Variants in FHIT observed in about 807,000 individuals in gnomAD.
FHIT encodes bis(5'-adenosyl)-triphosphatase.
In FHIT, 19 loss-of-function variants were observed where a neutral mutation model predicts 17.9. The observed-to-expected ratio is 1.06, with a 90% CI of 0.74 to 1.56. The LOEUF is 1.56. Ranked by LOEUF, FHIT falls within the 40% of genes most tolerant of loss-of-function variation. The probability of loss-of-function intolerance (pLI) is 0.00; values close to 1 mark genes in which losing one functional copy is unlikely to be tolerated. For synonymous variants in FHIT, 81 were observed against 69.7 expected (o/e 1.16, Z -0.81); for missense variants, 248 against 189.2 (o/e 1.31, Z -1.82).
chr3:59,872,233 G>A (rs1702956967), intron 8 of FHIT, among the ~76,000 whole-genome samples: 1 of 152,174 alleles, frequency 6.6e-6, no homozygotes, highest in Admixed American at 6.5e-5. Context: ...GGGAGTCACA[G>A]TACTAAAACA....
chr3:61,012,818 T>G (rs1355230700), intron 3 of FHIT, among the ~76,000 whole-genome samples: 1 of 151,796 alleles, frequency 6.6e-6, no homozygotes, highest in Non-Finnish European at 1.5e-5. Context: ...ATTCAAAATT[T>G]TTTTAAAAAA....
At chr3:60,829,270 A>G (rs1293727332) in intron 3 of FHIT, among the ~76,000 whole-genome samples, 2 of 152,188 alleles carry the variant, frequency 1.3e-5, no homozygotes, top group Non-Finnish European at 1.5e-5. Context: ...CTTTGTAACC[A>G]ATAAATTACC....
chr3:60,101,190 C>A (rs929862071), intron 5 of FHIT, among the ~76,000 whole-genome samples: 4 of 152,208 alleles, frequency 2.6e-5, no homozygotes, highest in Non-Finnish European at 4.4e-5. Context: ...AAGCAGGGAA[C>A]CCTGACCCTG....
chr3:59,940,673 T>C (rs1213440686), intron 7 of FHIT, among the ~76,000 whole-genome samples: 1 of 152,222 alleles, frequency 6.6e-6, no homozygotes, highest in African/African-American at 2.4e-5. Flanking sequence ...TCATTTCCTG[T>C]GTGACCTGTG....
chr3:60,207,770 T>A (rs1203714422), intron 5 of FHIT, among the ~76,000 whole-genome samples: 1 of 152,218 alleles, frequency 6.6e-6, no homozygotes, highest in East Asian at 1.9e-4. Context: ...GTCATGAGAA[T>A]GTGTGAAAAA....
intron 5 of FHIT, among the ~76,000 whole-genome samples, chr3:60,231,911 G>T (rs990930358): frequency 6.6e-6 from 1 of 152,096 alleles, no homozygotes; most frequent in African/African-American, 2.4e-5. Flanking sequence ...TCAACTGAAG[G>T]CCTTAACCAT....
At chr3:60,830,779 C>A (rs1559755603) in intron 3 of FHIT, among the ~76,000 whole-genome samples, 1 of 152,112 alleles carries the variant, frequency 6.6e-6, no homozygotes, top group Admixed American at 6.6e-5. Flanking sequence ...GATATTAGAG[C>A]AAAGTAGAGA....
chr3:61,113,456 G>A (rs2036216347), intron 2 of FHIT, among the ~76,000 whole-genome samples: 1 of 152,102 alleles, frequency 6.6e-6, no homozygotes, highest in Non-Finnish European at 1.5e-5. Flanking sequence ...ACTAAATAAA[G>A]TTGTGTCTAT....
chr3:60,566,162 G>A (rs2037125441), intron 4 of FHIT, among the ~76,000 whole-genome samples: 1 of 152,084 alleles, frequency 6.6e-6, no homozygotes, highest in Non-Finnish European at 1.5e-5. Context: ...TTGCTGAGGA[G>A]TGCTTTACTT....
chr3:59,936,769 C>A (rs886136959), intron 7 of FHIT, among the ~76,000 whole-genome samples: 21 of 152,138 alleles, frequency 1.4e-4, no homozygotes, highest in Non-Finnish European at 3.1e-4. Flanking sequence ...GAGACAGTAA[C>A]ATAGTAATTA....
intron 3 of FHIT, among the ~76,000 whole-genome samples, chr3:60,832,025 C>T (rs1702349550): frequency 6.6e-6 from 1 of 152,070 alleles, no homozygotes; most frequent in Non-Finnish European, 1.5e-5. Flanking sequence ...ACCTTACAAG[C>T]TGGCCTAAGG....
intron 4 of FHIT, among the ~76,000 whole-genome samples, chr3:60,683,667 A>G (rs2107867760): frequency 6.6e-6 from 1 of 152,302 alleles, no homozygotes; most frequent in South Asian, 2.1e-4. Flanking sequence ...GGAAGTGAAC[A>G]TGCAGTATCT....
At chr3:61,034,510 T>C (rs1162714348) in intron 3 of FHIT, among the ~76,000 whole-genome samples, 1 of 151,960 alleles carries the variant, frequency 6.6e-6, no homozygotes, top group Non-Finnish European at 1.5e-5. Flanking sequence ...AACATGCAAA[T>C]AGCCAACAAG....
At chr3:60,909,425 A>G (rs1553765335) in intron 3 of FHIT, among the ~76,000 whole-genome samples, 1 of 152,024 alleles carries the variant, frequency 6.6e-6, no homozygotes, top group African/African-American at 2.4e-5. Flanking sequence ...GCCATACAGA[A>G]TGAGTTCATT....
chr3:60,888,326 C>T (rs1705329643), intron 3 of FHIT, among the ~76,000 whole-genome samples: 1 of 152,132 alleles, frequency 6.6e-6, no homozygotes, highest in African/African-American at 2.4e-5. Context: ...CAAAAGGCAG[C>T]AAGGTGGCGA....
intron 5 of FHIT, among the ~76,000 whole-genome samples, chr3:60,512,237 A>G (rs924160316): frequency 6.6e-6 from 1 of 152,216 alleles, no homozygotes; most frequent in Non-Finnish European, 1.5e-5. Flanking sequence ...AATAAGTAGC[A>G]TCCTGAATCA....
intron 1 of FHIT, among the ~76,000 whole-genome samples, chr3:61,211,762 G>A (rs146425685): frequency 0.033 from 5,086 of 152,338 alleles, 114 homozygotes; most frequent in African/African-American, 0.052. Context: ...CCCCCAAGTA[G>A]GGGCTGACTG....
At chr3:60,222,617 C>T (rs930221590) in intron 5 of FHIT, among the ~76,000 whole-genome samples, 2 of 152,020 alleles carry the variant, frequency 1.3e-5, no homozygotes, top group African/African-American at 2.4e-5. Flanking sequence ...GATGAAACCC[C>T]GTCTCTACTA....
chr3:61,136,571 A>G (rs1042772894), intron 2 of FHIT, among the ~76,000 whole-genome samples: 1 of 152,226 alleles, frequency 6.6e-6, no homozygotes. Flanking sequence ...AAAGGATTTG[A>G]AATTGACCCT....
Sources: gnomAD v4.1 joint callset for allele counts (sites outside exome capture counted in the v4.1 genomes callset) on GRCh38, gnomAD v4.1.1 for gene constraint, MANE v1.5 for transcripts, NCBI Gene and HGNC (gene_info 2026-07-23, HGNC 2026-07-21) for gene names.